The following ZFHX2 variants were observed in gnomAD, a reference collection of about 807,000 sequenced individuals.
The protein encoded by ZFHX2 is zinc finger homeobox 2.
ZFHX2 carries 75 observed loss-of-function variants against 164.8 expected under a neutral mutation model. The ratio of observed to expected loss-of-function variants is 0.46; its 90% CI spans 0.38 to 0.55. The LOEUF (loss-of-function observed/expected upper bound fraction) is 0.55. Ranked by LOEUF, ZFHX2 falls within the 20% of genes least tolerant of loss-of-function variation. ZFHX2 has a pLI of 0.00. For synonymous variants in ZFHX2, 1,217 were observed against 1,351.4 expected, an observed-to-expected ratio of 0.90 and a Z score of 2.18; for missense variants, 2,933 against 3,308.0, an observed-to-expected ratio of 0.89 and a Z score of 2.78.
intron 1 of ZFHX2, among the ~76,000 whole-genome samples, chr14:23,541,318 C>T (rs1270415729): frequency 1.6e-4 from 23 of 140,590 alleles, no homozygotes. Flanking sequence ...GACGGAGTTT[C>T]GCTCTTGTTG....
At position 23,551,706 on chromosome 14, in the gene ZFHX2, T is replaced by C. The variant is rs2138951525; in HGVS notation, c.-413A>G. 6.4e-6 allele frequency: 1 copy of C among 155,160 alleles called. No individual in the cohort carries two copies. The highest frequency in any genetic ancestry group is 1.9e-4 in the East Asian group (1 of 5,260). The allele number at this position is 155,160 out of a possible 1,614,324, so 9.6% of individuals were successfully genotyped here. ...CTCGCCCTCCTCCTCCTCCTCCTCC[T>C]CGCCCTCACTCCTCCGCCTCATTCA... On this transcript the variant is annotated 5_prime_UTR_variant, in exon 1 of 10. Transcript: ENST00000419474. This position sits in a 1 kb window ranked among gnomAD's most constrained non-coding sequence, Gnocchi z 5.3.
In ZFHX2 at chr14:23,546,129, G is replaced by A. The variant is rs994592959; in HGVS notation, c.-50+5214C>T. On this transcript the variant is annotated intron_variant, in intron 1 of 9. Coordinates refer to ENST00000419474, the MANE Select transcript of ZFHX2 (RefSeq NM_033400.3). The surrounding 1 kb of genome is among the most constrained non-coding windows in gnomAD (Gnocchi z 4.7). ...TGCCCCACTGACTTTGCACATCAAC[G>A]TGCTCCACAGGACCAGACTCTCCAT... Among the ~76,000 whole-genome samples, 1 of 152,160 alleles carries A rather than the reference G, an allele frequency of 6.6e-6. No homozygotes were observed. The highest frequency in any genetic ancestry group is 2.4e-5 in the African/African-American group (1 of 41,428).
chr14:23,530,335 A>G, intron 4 of ZFHX2, 141 bp from the exon 5 acceptor site: 1 of 735,234 alleles, frequency 1.4e-6, no homozygotes, highest in Non-Finnish European at 2.4e-6. Context: ...GAGTATGAAA[A>G]GCCAACAAAA....
rs780061682 is a variant in ZFHX2 at position 23,535,780 on chromosome 14, C to T, written c.-49-406G>A. 2.6e-5 allele frequency among the ~76,000 whole-genome samples: 4 copies of T among 151,934 alleles called. No homozygotes were observed. The highest frequency in any genetic ancestry group is 2.6e-4 in the Admixed American group (4 of 15,246). On this transcript the variant is annotated intron_variant, in intron 1 of 9. Transcript: ENST00000419474. This position sits in a 1 kb window ranked among gnomAD's most constrained non-coding sequence, Gnocchi z 4.5. Reference sequence around the variant, plus strand: ...ACTAATTTTGTATTTTTAGTAGAGACGGGGTTTCTCCGTGTTGGTCAGGCT... The same window carrying T: ...ACTAATTTTGTATTTTTAGTAGAGATGGGGTTTCTCCGTGTTGGTCAGGCT...
upstream of ZFHX2, among the ~76,000 whole-genome samples, chr14:23,553,850 C>T (rs536062978): frequency 2.0e-4 from 30 of 151,972 alleles, no homozygotes; most frequent in Admixed American, 7.9e-4. Flanking sequence ...GCCGAGATGG[C>T]GCCACTACAC....
chr14:23,534,756 A>G lies in ZFHX2; in HGVS notation c.570T>C (p.His190=), dbSNP rs1475082455. The change falls in exon 2 of 10, where the codon CAT becomes CAC. Residue 190 remains histidine, a synonymous_variant. Transcript: ENST00000419474. The surrounding 1 kb of genome is among the most constrained non-coding windows in gnomAD (Gnocchi z 4.5). The part of the protein sequence containing the change: ...GFSSSDQILS[H]DTSAPSPAAC... ...CAGCCGGAGATGGTGCTGAGGTATCATGGGACAGAATTTGGTCAGAAGAGC... is the reference window on the plus strand; with the variant it reads ...CAGCCGGAGATGGTGCTGAGGTATCGTGGGACAGAATTTGGTCAGAAGAGC... 8 of 1,536,184 alleles carry G rather than the reference A, an allele frequency of 5.2e-6. No homozygotes were observed. Among genetic ancestry groups the G allele is most frequent in the Admixed American group, 3.9e-5 (2 of 51,010 alleles).
Position 23,527,662 on chromosome 14 carries a change from A to C in ZFHX2, c.3077T>G (p.Phe1026Cys), listed in dbSNP as rs1297189869. 1.3e-6 allele frequency: 2 copies of C among 1,536,372 alleles called. No individual in the cohort carries two copies. Among genetic ancestry groups the C allele is most frequent in the Admixed American group, 3.9e-5 (2 of 51,000 alleles). Residue 1026 changes from phenylalanine to cysteine, a missense_variant, in exon 7 of 10, where the codon TTC becomes TGC. Coordinates refer to ENST00000419474, the MANE Select transcript of ZFHX2 (RefSeq NM_033400.3). ...CACGTTGTGAAGGTGGCTAAGGTGG[A>C]AGTGCAGGGCAGGCCGGCCCACCAG... ...EQLVGRPALH[F>C]HLSHLHNVVP...
Position 23,524,944 on chromosome 14 carries a change from A to C in ZFHX2, c.4998T>G (p.Thr1666=), listed in dbSNP as rs1416683524. The change falls in exon 9 of 10, where the codon ACT becomes ACG. Residue 1666 remains threonine (T), a synonymous_variant. Transcript: ENST00000419474. This position sits in a 1 kb window ranked among gnomAD's most constrained non-coding sequence, Gnocchi z 5.6. Reference sequence around the variant, plus strand: ...AACGCCTGCAGCCGGAGGCTCCCCCAGTGCCTCCTCCGGTTGGCATGGACC... The same window carrying C: ...AACGCCTGCAGCCGGAGGCTCCCCCCGTGCCTCCTCCGGTTGGCATGGACC... ...EGGSMPTGGG[T]GGASGCRRCH... is the part of the protein sequence containing the mutation. 1 of 1,536,106 alleles carries C rather than the reference A, an allele frequency of 6.5e-7. No homozygotes were observed. Among genetic ancestry groups the C allele is most frequent in the East Asian group, 2.4e-5 (1 of 40,908 alleles).
rs1391717092 is a variant in ZFHX2 at position 23,535,137 on chromosome 14, C to A, written c.189G>T (p.Ser63=). 7.2e-6 allele frequency: 11 copies of A among 1,535,992 alleles called. No homozygotes were observed. The Admixed American group carries it at 2.2e-4, about 30-fold the overall frequency. The part of the protein sequence containing the change: ...SSEPGGQLLE[S]GCGLVPPKEI... ...CCTTTGGTGGGACGAGGCCACAGCC[C>A]GACTCCAGGAGCTGTCCCCCTGGCT... is the stretch of plus-strand genomic sequence containing the variant. Residue 63 remains serine, a synonymous_variant, in exon 2 of 10, where the codon TCG becomes TCT. Coordinates refer to ENST00000419474, the MANE Select transcript of ZFHX2 (RefSeq NM_033400.3). This position sits in a 1 kb window ranked among gnomAD's most constrained non-coding sequence, Gnocchi z 4.5.
upstream of ZFHX2, among the ~76,000 whole-genome samples, chr14:23,555,565 C>T (rs1248862983): frequency 6.6e-6 from 1 of 152,164 alleles, no homozygotes; most frequent in African/African-American, 2.4e-5. Flanking sequence ...TATTCTCTGA[C>T]AGAAAGTTTC....
Position 23,551,059 on chromosome 14 carries a change from G to A in ZFHX2, c.-50+284C>T, listed in dbSNP as rs985028325. ...TGTCCGGCGGGCCTCTGCCTTTCCC[G>A]TTCCCGTTTCTCCCTCCACCCCCGC... On this transcript the variant is annotated intron_variant, in intron 1 of 9. Transcript: ENST00000419474. This position sits in a 1 kb window ranked among gnomAD's most constrained non-coding sequence, Gnocchi z 5.3. 6.6e-6 allele frequency among the ~76,000 whole-genome samples: 1 copy of A among 151,224 alleles called. No individual in the cohort carries two copies. Among genetic ancestry groups the A allele is most frequent in the Non-Finnish European group, 1.5e-5 (1 of 67,856 alleles).
rs1160994971 is a variant in ZFHX2, at chr14:23,526,480, A to G, written c.3462T>C (p.Thr1154=). The change falls in exon 9 of 10, where the codon ACT becomes ACC. Residue 1154 remains threonine, a synonymous_variant. Transcript: ENST00000419474. ...CTGGCTCTGCAGAGCGGAGCTCCCCAGTGGTCCCCTCTTCCTCCTCAGCCA... is the reference window on the plus strand; with the variant it reads ...CTGGCTCTGCAGAGCGGAGCTCCCCGGTGGTCCCCTCTTCCTCCTCAGCCA... ...PTMAEEEEGT[T]GELRSAEPAP... is the part of the protein sequence containing the mutation. 1 of 1,536,088 alleles carries G rather than the reference A, an allele frequency of 6.5e-7. No homozygotes were observed. Among genetic ancestry groups the G allele is most frequent in the South Asian group, 1.2e-5 (1 of 84,052 alleles).
intron 1 of ZFHX2, among the ~76,000 whole-genome samples, chr14:23,548,861 G>A (rs1881664628): frequency 6.6e-6 from 1 of 152,136 alleles, no homozygotes; most frequent in South Asian, 2.1e-4. Flanking sequence ...CCCCCGCAGT[G>A]CTCTCGCTCT....
intron 7 of ZFHX2, 32 bp downstream of exon 7, chr14:23,527,572 T>C: frequency 1.3e-6 from 2 of 1,536,078 alleles, no homozygotes; most frequent in Non-Finnish European, 1.7e-6. Flanking sequence ...AATAAGGTCT[T>C]GTTGTACCGT....
chr14:23,531,629 A>G lies in ZFHX2; in HGVS notation c.2652T>C (p.Ala884=), dbSNP rs913600306. The G allele has an allele frequency of 6.6e-7, 1 of 1,522,528 alleles. No homozygotes were observed. 94.3% of individuals were successfully genotyped at this position (1,522,528 alleles called of 1,614,324 possible). A position where few individuals can be genotyped will look rare whatever the true frequency, so the allele number is the denominator to read the frequency against. Residue 884 remains alanine, a synonymous_variant, in exon 4 of 10, where the codon GCT becomes GCC. Coordinates refer to ENST00000419474, the MANE Select transcript of ZFHX2 (RefSeq NM_033400.3). ...CAGGTGTGCGCAGGTGTTGCAGCAC[A>G]GCCAAGCGGGAGGGTGTCTCCCACG... is the stretch of plus-strand genomic sequence containing the variant. The part of the protein sequence containing the change: ...LCAWETPSRL[A]VLQHLRTPAH...
intron 1 of ZFHX2, among the ~76,000 whole-genome samples, chr14:23,550,743 C>T (rs150929168): frequency 6.6e-6 from 1 of 151,882 alleles, no homozygotes; most frequent in East Asian, 1.9e-4. Flanking sequence ...CTCCCCTCAC[C>T]TACTCAACAC....
Position 23,527,737 on chromosome 14 carries a change from G to T in ZFHX2, c.3002C>A (p.Ser1001Tyr). The T allele has an allele frequency of 6.5e-7, 1 of 1,536,136 alleles. No homozygotes were observed. ...ESSQVRAHTL[S>Y]QHAVQPKYRC... Reference sequence around the variant, plus strand: ...GTACTTGGGCTGCACTGCATGCTGGGAGAGTGTATGAGCCCTCACCTGGCT... The same window carrying T: ...GTACTTGGGCTGCACTGCATGCTGGTAGAGTGTATGAGCCCTCACCTGGCT... Residue 1001 changes from serine to tyrosine, a missense_variant, in exon 7 of 10, where the codon TCC (serine) becomes TAC (tyrosine). Transcript: ENST00000419474.
At chr14:23,530,066 C>T in intron 5 of ZFHX2, 54 bp downstream of exon 5, 1 of 1,450,008 alleles carries the variant, frequency 6.9e-7, no homozygotes, top group Non-Finnish European at 9.4e-7. Context: ...ACTGCAAGGT[C>T]CCGTGAGCGT....
At position 23,546,271 on chromosome 14, in the gene ZFHX2, C is replaced by A. The variant is rs1209405453; in HGVS notation, c.-50+5072G>T. Among the ~76,000 whole-genome samples, 1 of 152,172 alleles carries A rather than the reference C, an allele frequency of 6.6e-6. No individual in the cohort carries two copies. Among genetic ancestry groups the A allele is most frequent in the Non-Finnish European group, 1.5e-5 (1 of 68,044 alleles). ...GATGGTCCTGCTGGGAATTCCAAGG[C>A]CTGAACTTTAGCTTTGATGTAATCC... is the stretch of plus-strand genomic sequence containing the variant. On this transcript the variant is annotated intron_variant, in intron 1 of 9. Coordinates refer to ENST00000419474, the MANE Select transcript of ZFHX2 (RefSeq NM_033400.3). This position sits in a 1 kb window ranked among gnomAD's most constrained non-coding sequence, Gnocchi z 4.7.
Sources: gnomAD v4.1 joint callset for allele counts (sites outside exome capture counted in the v4.1 genomes callset) on GRCh38, gnomAD v4.1.1 for gene constraint, Gnocchi (gnomAD v3.1) non-coding constraint, MANE v1.5 for transcripts, NCBI Gene and HGNC (gene_info 2026-07-23, HGNC 2026-07-21) for gene names.